ANKS1B: variants seen among roughly 807,000 people sequenced by gnomAD.
ANKS1B encodes ankyrin repeat and sterile alpha motif domain containing 1B.
Under a neutral mutation model 148.3 loss-of-function variants are expected in ANKS1B, and 36 were observed. The observed-to-expected ratio is 0.24, with a 90% CI of 0.19 to 0.32. The LOEUF is 0.32. Ranked by LOEUF, ANKS1B falls within the 10% of genes least tolerant of loss-of-function variation. ANKS1B has a pLI of 1.00. For synonymous variants in ANKS1B, 542 were observed against 560.8 expected, an observed-to-expected ratio of 0.97 and a Z score of 0.47; for missense variants, 1,157 against 1,542.6, an observed-to-expected ratio of 0.75 and a Z score of 4.19.
chr12:99,667,396 G>C (rs2098514532), intron 8 of ANKS1B, among the ~76,000 whole-genome samples: 1 of 139,380 alleles, frequency 7.2e-6, no homozygotes, highest in Admixed American at 7.2e-5. Context: ...TGAATTTTCA[G>C]TTACTGATAG....
intron 12 of ANKS1B, among the ~76,000 whole-genome samples, chr12:99,332,112 T>C (rs1016541935): frequency 1.3e-5 from 2 of 152,028 alleles, no homozygotes; most frequent in African/African-American, 4.8e-5. Flanking sequence ...TCCCTCGATA[T>C]GCTGTATAGC....
At chr12:99,319,070 G>A (rs1457029904) in intron 12 of ANKS1B, among the ~76,000 whole-genome samples, 2 of 152,146 alleles carry the variant, frequency 1.3e-5, no homozygotes, top group African/African-American at 4.8e-5. Flanking sequence ...TTTTACACTT[G>A]CTGAGGAGTG....
chr12:99,609,181 G>C (rs76241957), intron 9 of ANKS1B, among the ~76,000 whole-genome samples: 285 of 152,142 alleles, frequency 1.9e-3, no homozygotes, highest in African/African-American at 6.6e-3. Context: ...CTTAGAAAAA[G>C]CCTGAATATC....
At chr12:99,471,138 A>T (rs1016804476) in intron 10 of ANKS1B, among the ~76,000 whole-genome samples, 1 of 152,112 alleles carries the variant, frequency 6.6e-6, no homozygotes, top group Admixed American at 6.6e-5. Flanking sequence ...ATCCTAAAGC[A>T]TCTTTCCTCT....
intron 19 of ANKS1B, among the ~76,000 whole-genome samples, chr12:98,814,154 A>G (rs983989280): frequency 6.6e-6 from 1 of 152,150 alleles, no homozygotes; most frequent in South Asian, 2.1e-4. Flanking sequence ...TGCTTGGATT[A>G]CAGGCATGAG....
downstream of ANKS1B, among the ~76,000 whole-genome samples, chr12:98,742,318 T>G (rs913557939): frequency 6.6e-6 from 1 of 151,012 alleles, no homozygotes; most frequent in African/African-American, 2.4e-5. Context: ...CGTTAACTAC[T>G]CTTGGAAAGT....
chr12:99,036,812 A>G (rs1356262575), intron 17 of ANKS1B, among the ~76,000 whole-genome samples: 2 of 152,208 alleles, frequency 1.3e-5, no homozygotes, highest in African/African-American at 4.8e-5. Flanking sequence ...TATGAAAAAG[A>G]TTACATGTTA....
intron 9 of ANKS1B, among the ~76,000 whole-genome samples, chr12:99,575,649 C>G (rs1041107146): frequency 6.6e-6 from 1 of 151,944 alleles, no homozygotes; most frequent in Non-Finnish European, 1.5e-5. Context: ...TTCACTACCA[C>G]GAGAACAGTA....
chr12:98,926,764 G>A (rs1371730015), intron 17 of ANKS1B, among the ~76,000 whole-genome samples: 1 of 151,950 alleles, frequency 6.6e-6, no homozygotes, highest in African/African-American at 2.4e-5. Context: ...AAAATATAGT[G>A]GGGCTCAACA....
intron 4 of ANKS1B, among the ~76,000 whole-genome samples, chr12:99,791,347 C>G (rs1355245206): frequency 6.6e-6 from 1 of 151,984 alleles, no homozygotes; most frequent in Non-Finnish European, 1.5e-5. Flanking sequence ...CAACTCCCCA[C>G]TTTCAGCATT....
At chr12:99,676,197 G>A (rs2098568102) in intron 8 of ANKS1B, among the ~76,000 whole-genome samples, 1 of 152,018 alleles carries the variant, frequency 6.6e-6, no homozygotes, top group Non-Finnish European at 1.5e-5. Flanking sequence ...AGTTTCCTGA[G>A]GCTTCCCCAG....
At chr12:99,604,596 C>A (rs558146926) in intron 9 of ANKS1B, among the ~76,000 whole-genome samples, 44 of 151,980 alleles carry the variant, frequency 2.9e-4, no homozygotes, top group African/African-American at 1.0e-3. Context: ...AGGTAGATCA[C>A]CTGAGGTCAG....
At chr12:98,736,231 G>A (rs541317475) in intron 9 of ANKS1B, among the ~76,000 whole-genome samples, 169 of 152,344 alleles carry the variant, frequency 1.1e-3, no homozygotes, top group Non-Finnish European at 2.1e-3. Flanking sequence ...GAACCAGTGA[G>A]AAGCTTTTGT....
chr12:99,545,653 C>T (rs77561855), intron 9 of ANKS1B, among the ~76,000 whole-genome samples: 3,435 of 151,724 alleles, frequency 0.023, 133 homozygotes, highest in African/African-American at 0.078. Flanking sequence ...AAAGAACTAA[C>T]GGAAGCCCTT....
intron 19 of ANKS1B, among the ~76,000 whole-genome samples, chr12:98,819,323 C>T (rs2099166053): frequency 6.6e-6 from 1 of 152,100 alleles, no homozygotes; most frequent in South Asian, 2.1e-4. Context: ...GTTGATCTGC[C>T]CAGAGCTGGG....
At chr12:99,285,598 A>G (rs1385960549) in intron 12 of ANKS1B, among the ~76,000 whole-genome samples, 1 of 152,232 alleles carries the variant, frequency 6.6e-6, no homozygotes, top group East Asian at 1.9e-4. Flanking sequence ...AAACACCTTC[A>G]TAAGAACCAA....
rs2099964987 is a variant in ANKS1B at position 99,050,068 on chromosome 12, G to C, written c.2778+3089C>G. 2.0e-5 allele frequency among the ~76,000 whole-genome samples: 3 copies of C among 152,112 alleles called. 1 individual carries two copies. The South Asian group carries it at 6.2e-4, about 31-fold the overall frequency. Reference sequence around the variant, plus strand: ...CTAAAAGGCTTTGCTCTAAATCAAGGTGACTGTACATTCCCTTTTAGGCTA... The same window carrying C: ...CTAAAAGGCTTTGCTCTAAATCAAGCTGACTGTACATTCCCTTTTAGGCTA... On this transcript the variant is annotated intron_variant, in intron 17 of 26. Transcript: ENST00000683438.
At chr12:99,498,778 G>A (rs1208824517) in intron 10 of ANKS1B, among the ~76,000 whole-genome samples, 1 of 152,042 alleles carries the variant, frequency 6.6e-6, no homozygotes, top group African/African-American at 2.4e-5. Flanking sequence ...AGACTCGTGT[G>A]CATCAAGAAA....
intron 16 of ANKS1B, among the ~76,000 whole-genome samples, chr12:99,054,211 C>T (rs1442652680): frequency 2.0e-5 from 3 of 152,192 alleles, no homozygotes; most frequent in East Asian, 3.8e-4. Context: ...AGAGCTGGCA[C>T]CTCATCAACC....
Sources: allele counts gnomAD v4.1 joint callset (sites outside exome capture counted in the v4.1 genomes callset), GRCh38; gene constraint gnomAD v4.1.1; transcripts MANE v1.5; gene names NCBI Gene and HGNC (gene_info 2026-07-23, HGNC 2026-07-21).